The following MAP7 variants were observed in gnomAD, a reference collection of about 807,000 sequenced individuals.
MAP7 encodes ensconsin.
Under a neutral mutation model 94.8 loss-of-function variants are expected in MAP7, and 52 were observed. The observed-to-expected ratio is 0.55, with a 90% CI of 0.44 to 0.69. The LOEUF (loss-of-function observed/expected upper bound fraction) is 0.69. MAP7 is among the 30% of genes least tolerant of loss of function. The pLI, the probability that MAP7 is intolerant of heterozygous loss-of-function variation, is 0.00. For missense variants in MAP7, 940 were observed against 964.6 expected (o/e 0.97, Z 0.34); for synonymous variants, 350 against 357.0 (o/e 0.98, Z 0.22).
At chr6:136,535,737 CT>C (rs958095692) in intron 1 of MAP7, among the ~76,000 whole-genome samples, 13 of 146,946 alleles carry the variant, frequency 8.8e-5, no homozygotes, top group East Asian at 4.0e-4. Context: ...TATTTGTCAT[CT>C]TTTTTTTTCT....
At chr6:136,432,128 G>A (rs975523097) in intron 1 of MAP7, among the ~76,000 whole-genome samples, 2 of 151,926 alleles carry the variant, frequency 1.3e-5, no homozygotes, top group Non-Finnish European at 2.9e-5. Context: ...TCACTTCTAT[G>A]TTCCCGATAG....
At position 136,402,055 on chromosome 6, in the gene MAP7, C is replaced by A. The variant is rs558813653; in HGVS notation, c.244+9565G>T. Among the ~76,000 whole-genome samples the A allele has an allele frequency of 5.9e-5, 9 of 152,278 alleles. No individual in the cohort carries two copies. The South Asian group carries it at 1.9e-3, about 32-fold the overall frequency. ...TTCCCTGTCCAACCCCTTGGACTGG[C>A]CATAGGATCATGCATCTTCACACAC... On this transcript the variant is annotated intron_variant, in intron 3 of 17. Coordinates refer to ENST00000354570, the MANE Select transcript of MAP7 (RefSeq NM_003980.6).
intron 1 of MAP7, among the ~76,000 whole-genome samples, chr6:136,502,678 G>C (rs141995334): frequency 0.01 from 1,595 of 152,186 alleles, 9 homozygotes; most frequent in Non-Finnish European, 0.016. Context: ...TGAATCAATG[G>C]GTTATAACAA....
chr6:136,535,683 A>C (rs1361706290), intron 1 of MAP7, among the ~76,000 whole-genome samples: 1 of 151,450 alleles, frequency 6.6e-6, no homozygotes, highest in Non-Finnish European at 1.5e-5. Flanking sequence ...GATATTTAGG[A>C]TTGAGTGCCA....
In MAP7 at chr6:136,345,874, G is replaced by C. The variant is rs772426492; in HGVS notation, c.2221C>G (p.Gln741Glu). 5.0e-6 allele frequency: 8 copies of C among 1,614,092 alleles called. No individual in the cohort carries two copies. In the East Asian group the frequency reaches 1.8e-4, roughly 36 times the overall value. Reference protein sequence around the residue: ...LGPLPQVDGVQTQQTAEVI With the variant: ...LGPLPQVDGVETQQTAEVI ...AGCTTACCTGCAGTCTGCTGTGTCT[G>C]AACACCATCTACCTGAGGCAGGGGC... The change falls in exon 17 of 18, where the codon CAG (glutamine) becomes GAG (glutamate). Residue 741 changes from glutamine to glutamate, a missense_variant. Coordinates refer to ENST00000354570, the MANE Select transcript of MAP7 (RefSeq NM_003980.6).
intron 1 of MAP7, among the ~76,000 whole-genome samples, chr6:136,500,932 T>C (rs771860080): frequency 1.5e-4 from 23 of 151,934 alleles, no homozygotes; most frequent in African/African-American, 5.1e-4. Context: ...TTCCAAATCA[T>C]TGGGAAGATG....
Position 136,356,713 on chromosome 6 carries a change from T to C in MAP7, c.1994A>G (p.Gln665Arg). Residue 665 changes from glutamine (Q) to arginine (R), a missense_variant, in exon 16 of 18, where the codon CAG becomes CGG. By Grantham distance (43) the Gln-to-Arg change is conservative (BLOSUM62 1). Coordinates refer to ENST00000354570, the MANE Select transcript of MAP7 (RefSeq NM_003980.6). ...TCACCTCTCCACTGTCACTTTTGAC[T>C]GGTGTGAGGTAACCACATGTGGGCT... ...VGSPHVVTSH[Q>R]SKVTVESTPD... 3 of 1,614,138 alleles carry C rather than the reference T, an allele frequency of 1.9e-6. No homozygotes were observed. The highest frequency in any genetic ancestry group is 2.5e-6 in the Non-Finnish European group (3 of 1,179,986).
At position 136,388,829 on chromosome 6, in the gene MAP7, C is replaced by T. The variant is rs77076130; in HGVS notation, c.409-319G>A. ...ATCTTAGCTTCAACTGATGCTTATACGATACCATATTTACCATACGATACC... is the reference window on the plus strand; with the variant it reads ...ATCTTAGCTTCAACTGATGCTTATATGATACCATATTTACCATACGATACC... On this transcript the variant is annotated intron_variant, in intron 4 of 17. Transcript: ENST00000354570. Among the ~76,000 whole-genome samples, 670 of 152,168 alleles carry T rather than the reference C, an allele frequency of 4.4e-3. 6 individuals carry two copies. Among genetic ancestry groups the T allele is most frequent in the African/African-American group, 0.015 (637 of 41,502 alleles).
chr6:136,372,410 A>G, intron 8 of MAP7, 91 bp downstream of exon 8: 1 of 1,465,146 alleles, frequency 6.8e-7, no homozygotes, highest in Non-Finnish European at 9.3e-7. Flanking sequence ...TCCCCCTCTT[A>G]CGCCCACACC....
At chr6:136,438,379 G>A (rs943812952) in intron 1 of MAP7, among the ~76,000 whole-genome samples, 6 of 152,178 alleles carry the variant, frequency 3.9e-5, no homozygotes, top group African/African-American at 2.4e-5. Flanking sequence ...AACCTGGTTC[G>A]ACTCCAGAAT....
chr6:136,474,046 G>A (rs1809997611), intron 1 of MAP7, among the ~76,000 whole-genome samples: 1 of 152,082 alleles, frequency 6.6e-6, no homozygotes, highest in Non-Finnish European at 1.5e-5. Flanking sequence ...TACAGGTTAA[G>A]GAGGACCCAG....
intron 1 of MAP7, among the ~76,000 whole-genome samples, chr6:136,505,396 A>G (rs1267863362): frequency 6.7e-6 from 1 of 149,986 alleles, no homozygotes; most frequent in Non-Finnish European, 1.5e-5. Context: ...AGAGAGATGA[A>G]CATTAGCCAT....
intron 1 of MAP7, among the ~76,000 whole-genome samples, chr6:136,426,115 G>T (rs1449755316): frequency 6.6e-6 from 1 of 151,948 alleles, no homozygotes; most frequent in East Asian, 1.9e-4. Context: ...AGTCACTGTC[G>T]AGTGTGCATT....
chr6:136,479,171 C>T (rs1167089566), intron 1 of MAP7, among the ~76,000 whole-genome samples: 3 of 152,084 alleles, frequency 2.0e-5, no homozygotes, highest in Non-Finnish European at 4.4e-5. Context: ...TCATTCATCA[C>T]GACCCAGTGG....
At chr6:136,513,127 G>A (rs1365139063) in intron 1 of MAP7, among the ~76,000 whole-genome samples, 2 of 152,190 alleles carry the variant, frequency 1.3e-5, no homozygotes, top group Admixed American at 6.5e-5. Flanking sequence ...TTATAGGCAT[G>A]AGCCACTGCA....
At chr6:136,411,483 C>T in intron 3 of MAP7, 137 bp downstream of exon 3, 2 of 718,936 alleles carry the variant, frequency 2.8e-6, no homozygotes, top group South Asian at 2.0e-5. Flanking sequence ...AAACTTATCC[C>T]TATGTTTATA....
intron 1 of MAP7, among the ~76,000 whole-genome samples, chr6:136,454,091 A>G (rs904683810): frequency 6.6e-6 from 1 of 152,152 alleles, no homozygotes; most frequent in Non-Finnish European, 1.5e-5. Context: ...TAGAGCTCAG[A>G]GGCTCTTCCC....
At chr6:136,472,650 T>C (rs939574254) in intron 1 of MAP7, among the ~76,000 whole-genome samples, 2 of 152,086 alleles carry the variant, frequency 1.3e-5, no homozygotes, top group Admixed American at 1.3e-4. Flanking sequence ...AACTGGGGAA[T>C]AGATGGAAGG....
chr6:136,479,112 A>G (rs1811950630), intron 1 of MAP7, among the ~76,000 whole-genome samples: 1 of 152,098 alleles, frequency 6.6e-6, no homozygotes, highest in South Asian at 2.1e-4. Flanking sequence ...TGATACCAAA[A>G]TCCTCAACAT....
Sources: allele counts gnomAD v4.1 joint callset (sites outside exome capture counted in the v4.1 genomes callset), GRCh38; gene constraint gnomAD v4.1.1; transcripts MANE v1.5; gene names NCBI Gene and HGNC (gene_info 2026-07-23, HGNC 2026-07-21).